ZNF850: variants seen among roughly 807,000 people sequenced by gnomAD.
ZNF850 encodes putative zinc finger protein ENSP00000330994.
Under a neutral mutation model 11.9 loss-of-function variants are expected in ZNF850, and 2 were observed. The ratio of observed to expected loss-of-function variants is 0.17; its 90% CI spans 0.07 to 0.53. ZNF850 has a LOEUF of 0.53. Ranked by LOEUF, ZNF850 falls within the 20% of genes least tolerant of loss-of-function variation. The pLI is 0.94. For missense variants in ZNF850, 1,014 were observed against 1,316.4 expected (o/e 0.77, Z 3.55); for synonymous variants, 381 against 443.0 (o/e 0.86, Z 1.76).
In ZNF850 at chr19:36,748,611, T is replaced by C; in HGVS notation, c.2429A>G (p.Glu810Gly). The C allele has an allele frequency of 6.5e-7, 1 of 1,537,228 alleles. No homozygotes were observed. The highest frequency in any genetic ancestry group is 8.7e-7 in the Non-Finnish European group (1 of 1,146,934). Residue 810 changes from glutamate to glycine, a missense_variant, in exon 5 of 5, where the codon GAG becomes GGG. Around this residue, in one of 2 missense-constraint regions of ZNF850, gnomAD observed 835 missense variants for 1,022.0 expected, o/e 0.82. Transcript: ENST00000591344. ...ACATTCCTTGCAATGATAAGGTTTC[T>C]CACCAGTGTGAAGTGGCTGATGTTG... ...LIQHQPLHTG[E>G]KPYHCKECGK...
At position 36,747,768 on chromosome 19, in the gene ZNF850, T is replaced by G. The variant is rs1211382367; in HGVS notation, c.3272A>C (p.Ter1091SerextTer3). ...CATGAGAACAGTTTCCTACATTAAT[T>G]ATGTTAGGTCATGAATTCTCTGATG... ...TRHQRIHDLT[*>S] is the part of the protein sequence containing the mutation. The change falls in exon 5 of 5, where the codon TAA becomes TCA. Residue 1091 changes from the stop codon to serine, a stop_lost. Coordinates refer to ENST00000591344, the MANE Select transcript of ZNF850 (RefSeq NM_001193552.2). 3.3e-6 allele frequency: 5 copies of G among 1,498,444 alleles called. No homozygotes were observed. Among genetic ancestry groups the G allele is most frequent in the Non-Finnish European group, 4.4e-6 (5 of 1,127,588 alleles). The allele number at this position is 1,498,444 out of a possible 1,614,324, so 92.8% of individuals were successfully genotyped here. A position where few individuals can be genotyped will look rare whatever the true frequency, so the allele number is the denominator to read the frequency against.
intron 1 of ZNF850, among the ~76,000 whole-genome samples, chr19:36,768,632 C>T (rs995196084): frequency 2.0e-5 from 3 of 152,074 alleles, no homozygotes; most frequent in Non-Finnish European, 4.4e-5. Flanking sequence ...TTCTGTCATC[C>T]TTAGTGAATC....
Position 36,745,210 on chromosome 19 carries a change from CCATAAG to C in ZNF850, c.*2551_*2556del, listed in dbSNP as rs1341466773. 2 of 151,674 alleles carry C rather than the reference CCATAAG, an allele frequency of 1.3e-5. No individual in the cohort carries two copies. Among genetic ancestry groups the C allele is most frequent in the Non-Finnish European group, 2.9e-5 (2 of 67,928 alleles). 9.4% of individuals were successfully genotyped at this position (151,674 alleles called of 1,614,324 possible). On this transcript the variant is annotated 3_prime_UTR_variant, in exon 5 of 5. Transcript: ENST00000591344. ...GTGTGTGTGTGTGTATATAAATCAT[CCATAAG>C]CATATTAGTAAAAGTACAAATCAAC...
chr19:36,758,894 T>C (rs1377917840), intron 4 of ZNF850, among the ~76,000 whole-genome samples: 2 of 146,802 alleles, frequency 1.4e-5, no homozygotes, highest in Non-Finnish European at 3.0e-5. Context: ...CTGGCCAATG[T>C]GGTGAAACCC....
chr19:36,762,515 A>T (rs1893393797), intron 2 of ZNF850, 80 bp downstream of exon 2: 2 of 1,535,588 alleles, frequency 1.3e-6, no homozygotes, highest in African/African-American at 2.7e-5. Context: ...GTGCTGAAGG[A>T]TGGAGAGAAT....
chr19:36,758,220 C>T (rs1321017833), intron 4 of ZNF850, among the ~76,000 whole-genome samples: 1 of 151,982 alleles, frequency 6.6e-6, no homozygotes, highest in Non-Finnish European at 1.5e-5. Context: ...TAGCAGGGTG[C>T]CCATTTTCAA....
At chr19:36,754,156 A>C (rs576458184) in intron 4 of ZNF850, among the ~76,000 whole-genome samples, 1 of 145,828 alleles carries the variant, frequency 6.9e-6, no homozygotes, top group East Asian at 2.0e-4. Flanking sequence ...CAACAGAGAG[A>C]GAGAGACCCT....
At chr19:36,757,439 A>G (rs1030159478) in intron 4 of ZNF850, among the ~76,000 whole-genome samples, 1 of 152,096 alleles carries the variant, frequency 6.6e-6, no homozygotes, top group Non-Finnish European at 1.5e-5. Context: ...TAAGAAAATA[A>G]AACCAAATAA....
chr19:36,769,415 C>A (rs1309624425), intron 1 of ZNF850, among the ~76,000 whole-genome samples: 1 of 151,732 alleles, frequency 6.6e-6, no homozygotes, highest in Non-Finnish European at 1.5e-5. Context: ...GCCTAGGCAA[C>A]CTAGTGAGTC....
chr19:36,772,246 CT>C (rs1219664706), intron 1 of ZNF850, among the ~76,000 whole-genome samples: 5 of 152,250 alleles, frequency 3.3e-5, no homozygotes, highest in Middle Eastern at 6.8e-3. Context: ...GTTTAAAGGA[CT>C]TTTACCAAGG....
In ZNF850 at chr19:36,761,665, G is replaced by A. The variant is rs774581691; in HGVS notation, c.213C>T (p.Asp71=). The A allele has an allele frequency of 2.6e-6, 4 of 1,556,122 alleles. No homozygotes were observed. The highest frequency in any genetic ancestry group is 1.7e-4 in the Middle Eastern group (1 of 6,040). Residue 71 remains aspartate (D), a synonymous_variant, in exon 4 of 5, where the codon GAC becomes GAT. Transcript: ENST00000591344. ...QGKEPWMVSR[D]VLGGWCRDSE... ...CACCTCGGCACCATCCTCCCAGCAC[G>A]TCCCTTGAAACCATCCAGGGCTCTT...
rs2040395251 is a variant in ZNF850 at position 36,743,777 on chromosome 19, A to T, written c.*3990T>A. 1 of 152,228 alleles carries T rather than the reference A, an allele frequency of 6.6e-6. No individual in the cohort carries two copies. The allele number at this position is 152,228 out of a possible 1,614,324, so 9.4% of individuals were successfully genotyped here. Reference sequence around the variant, plus strand: ...AAGCACATAAAAGAATACCTACTGAAATAAAGACACACCAGGTACAAGAGA... The same window carrying T: ...AAGCACATAAAAGAATACCTACTGATATAAAGACACACCAGGTACAAGAGA... On this transcript the variant is annotated 3_prime_UTR_variant, in exon 5 of 5. Transcript: ENST00000591344.
chr19:36,754,822 T>C (rs1169724074), intron 4 of ZNF850, among the ~76,000 whole-genome samples: 1 of 152,184 alleles, frequency 6.6e-6, no homozygotes, highest in Non-Finnish European at 1.5e-5. Context: ...CCCAAAGTGC[T>C]GGGATTACAG....
In ZNF850 at chr19:36,747,920, C is replaced by T. The variant is rs763756213; in HGVS notation, c.3120G>A (p.Pro1040=). ...CATAGAAAAAGGCTTTCCCACATTC[C>T]GGACATTGATAAGTTTTCTCACCAG... ...IHTGEKTYQC[P]ECGKAFFYAS... is the part of the protein sequence containing the mutation. Residue 1040 remains proline, a synonymous_variant, in exon 5 of 5, where the codon CCG becomes CCA. Transcript: ENST00000591344. The T allele has an allele frequency of 2.3e-5, 36 of 1,566,784 alleles. No individual in the cohort carries two copies. Among genetic ancestry groups the T allele is most frequent in the South Asian group, 1.3e-4 (11 of 86,418 alleles).
Position 36,751,619 on chromosome 19 carries a change from G to A in ZNF850, c.236-815C>T, listed in dbSNP as rs10402521. The stretch of plus-strand genomic sequence containing the variant: ...AGGCTGAGACAGGAGAATCACTTGA[G>A]CCCGGGAGGCTGAGGTTGCAGTGAG... On this transcript the variant is annotated intron_variant, in intron 4 of 4. Transcript: ENST00000591344. Among the ~76,000 whole-genome samples the A allele has an allele frequency of 3.0e-3, 434 of 143,286 alleles. 2 individuals are homozygous for A. Among genetic ancestry groups the A allele is most frequent in the African/African-American group, 0.011 (408 of 38,090 alleles). 94.0% of individuals were successfully genotyped at this position (143,286 alleles called of 152,430 possible).
Position 36,748,999 on chromosome 19 carries a change from C to T in ZNF850, c.2041G>A (p.Ala681Thr), listed in dbSNP as rs765057795. ...TTAAGGTATGTACGCTGTCTAAAGGCCTTCCCACAGTCCGGACATTCATAG... is the reference window on the plus strand; with the variant it reads ...TTAAGGTATGTACGCTGTCTAAAGGTCTTCCCACAGTCCGGACATTCATAG... ...KPYECPDCGK[A>T]FRQRTYLNQH... The change falls in exon 5 of 5, where the codon GCC becomes ACC. Residue 681 changes from alanine to threonine, a missense_variant. Around this residue, in one of 2 missense-constraint regions of ZNF850, gnomAD observed 835 missense variants for 1,022.0 expected, o/e 0.82. Coordinates refer to ENST00000591344, the MANE Select transcript of ZNF850 (RefSeq NM_001193552.2). The T allele has an allele frequency of 2.2e-5, 35 of 1,606,022 alleles. No homozygotes were observed. The highest frequency in any genetic ancestry group is 2.2e-5 in the East Asian group (1 of 44,526).
intron 3 of ZNF850, 38 bp downstream of exon 3, chr19:36,762,267 C>T: frequency 6.8e-7 from 1 of 1,464,564 alleles, no homozygotes; most frequent in Non-Finnish European, 9.0e-7. Context: ...AAAGCTACAC[C>T]CAAAATTCAT....
chr19:36,757,720 T>C (rs748454314), intron 4 of ZNF850, among the ~76,000 whole-genome samples: 7 of 152,008 alleles, frequency 4.6e-5, no homozygotes, highest in Non-Finnish European at 1.0e-4. Context: ...ACTGTGTTGA[T>C]TAGGCTGGTC....
chr19:36,753,506 T>C (rs1321270162), intron 4 of ZNF850, among the ~76,000 whole-genome samples: 1 of 138,374 alleles, frequency 7.2e-6, no homozygotes, highest in East Asian at 2.2e-4. Flanking sequence ...GGCGGGAGGA[T>C]CACCTGAGCC....
Sources: allele counts gnomAD v4.1 joint callset (sites outside exome capture counted in the v4.1 genomes callset), GRCh38; gene constraint gnomAD v4.1.1; regional missense constraint gnomAD v4.1.1; transcripts MANE v1.5; gene names NCBI Gene and HGNC (gene_info 2026-07-23, HGNC 2026-07-21).